The following MICU1 variants were observed in gnomAD, a reference collection of about 807,000 sequenced individuals.
MICU1 encodes the protein calcium uptake protein 1, mitochondrial.
A neutral mutation model predicts 56.8 loss-of-function variants in MICU1; 45 were observed. The observed-to-expected ratio is 0.79, with a 90% confidence interval of 0.62 to 1.02. The LOEUF (loss-of-function observed/expected upper bound fraction) is 1.02, where lower values mean the gene tolerates loss of function less well. Ranked by LOEUF, MICU1 falls within the 50% of genes least tolerant of loss-of-function variation. MICU1 has a pLI of 0.00. For synonymous variants in MICU1, 186 were observed against 195.1 expected (o/e 0.95, Z 0.39); for missense variants, 504 against 587.1 (o/e 0.86, Z 1.46).
intron 10 of MICU1, among the ~76,000 whole-genome samples, chr10:72,404,274 A>AC (rs1863558071): frequency 6.6e-6 from 1 of 152,218 alleles, no homozygotes; most frequent in Admixed American, 6.5e-5. Flanking sequence ...GTGAGCCACC[A>AC]CGCCCAGACT....
chr10:72,396,388 G>A (rs1443156266), intron 10 of MICU1, among the ~76,000 whole-genome samples: 2 of 152,190 alleles, frequency 1.3e-5, no homozygotes, highest in African/African-American at 4.8e-5. Flanking sequence ...TCCTCCAAAG[G>A]ATCGCAGCTC....
chr10:72,487,493 A>T (rs1044208836), intron 6 of MICU1, among the ~76,000 whole-genome samples: 4 of 152,148 alleles, frequency 2.6e-5, no homozygotes, highest in Non-Finnish European at 5.9e-5. Context: ...AGCACAAAGC[A>T]ATGGCTACCA....
chr10:72,570,106 C>A (rs903325629), intron 1 of MICU1, among the ~76,000 whole-genome samples: 7 of 152,202 alleles, frequency 4.6e-5, no homozygotes, highest in African/African-American at 1.7e-4. Flanking sequence ...CTACCATGCC[C>A]AGCTAATTTT....
chr10:72,437,410 A>C (rs1401409191), intron 8 of MICU1, among the ~76,000 whole-genome samples: 11 of 152,230 alleles, frequency 7.2e-5, no homozygotes. Context: ...CAACATAGAA[A>C]GGAACAACCG....
chr10:72,534,957 A>G (rs1478594993), intron 4 of MICU1, among the ~76,000 whole-genome samples: 1 of 142,482 alleles, frequency 7.0e-6, no homozygotes, highest in Non-Finnish European at 1.6e-5. Flanking sequence ...ACAGAGAACA[A>G]GAAAGAGTTC....
intron 5 of MICU1, among the ~76,000 whole-genome samples, chr10:72,521,849 T>C (rs1226509549): frequency 6.8e-6 from 1 of 146,302 alleles, no homozygotes; most frequent in Non-Finnish European, 1.5e-5. Flanking sequence ...AAGAGGAAAG[T>C]CCAAGCCAAT....
chr10:72,402,200 C>T (rs543398568), intron 10 of MICU1, among the ~76,000 whole-genome samples: 5 of 151,840 alleles, frequency 3.3e-5, no homozygotes, highest in Admixed American at 2.6e-4. Flanking sequence ...TCAGAACAGC[C>T]TGAGGTATGT....
At chr10:72,371,774 G>A (rs1322476065) in intron 11 of MICU1, among the ~76,000 whole-genome samples, 1 of 151,846 alleles carries the variant, frequency 6.6e-6, no homozygotes, top group Admixed American at 6.6e-5. Flanking sequence ...TATAGGCCAA[G>A]GTGGGGCATA....
chr10:72,489,667 C>T (rs1866590922), intron 6 of MICU1, among the ~76,000 whole-genome samples: 1 of 152,194 alleles, frequency 6.6e-6, no homozygotes, highest in South Asian at 2.1e-4. Flanking sequence ...CAGTCCACCC[C>T]TCATTTCTAG....
At chr10:72,458,629 T>C (rs1325648099) in intron 8 of MICU1, among the ~76,000 whole-genome samples, 3 of 151,790 alleles carry the variant, frequency 2.0e-5, no homozygotes, top group African/African-American at 7.3e-5. Context: ...CCAGGAAGTA[T>C]AGGTCAATGA....
At chr10:72,376,470 CCT>C (rs1564834934) in intron 10 of MICU1, among the ~76,000 whole-genome samples, 1 of 151,744 alleles carries the variant, frequency 6.6e-6, no homozygotes, top group Non-Finnish European at 1.5e-5. Flanking sequence ...ATGGCGAAAC[CCT>C]GTCTCTACAA....
At chr10:72,477,389 T>A in intron 6 of MICU1, 133 bp from the exon 7 acceptor site, 1 of 1,194,722 alleles carries the variant, frequency 8.4e-7, no homozygotes, top group South Asian at 1.4e-5. Context: ...AAAGTCTCAA[T>A]AAATGGAAAA....
At chr10:72,573,328 A>AAC (rs1554891586) in intron 1 of MICU1, among the ~76,000 whole-genome samples, 17 of 114,294 alleles carry the variant, frequency 1.5e-4, no homozygotes, top group Admixed American at 2.0e-4. Flanking sequence ...AAAAAAAAAA[A>AAC]AAAAAAACTA....
chr10:72,500,310 T>A (rs1293049915), intron 6 of MICU1, among the ~76,000 whole-genome samples: 97 of 14,490 alleles, frequency 6.7e-3, no homozygotes, highest in African/African-American at 0.015. Context: ...ATATTTTTTT[T>A]TTTTTTTTTT....
At chr10:72,599,147 G>A (rs1351757048) in intron 1 of MICU1, among the ~76,000 whole-genome samples, 4 of 152,184 alleles carry the variant, frequency 2.6e-5, no homozygotes, top group Non-Finnish European at 5.9e-5. Context: ...TAAATGCCTC[G>A]GTTCATCTTT....
At chr10:72,423,424 G>C (rs374205663) in intron 8 of MICU1, 53 bp from the exon 9 acceptor site, 17 of 1,579,840 alleles carry the variant, frequency 1.1e-5, no homozygotes, top group Non-Finnish European at 4.3e-6. Context: ...GTATTTTGAC[G>C]TGGAACACGG....
chr10:72,516,018 T>C (rs1726226523), intron 5 of MICU1, among the ~76,000 whole-genome samples: 1 of 152,242 alleles, frequency 6.6e-6, no homozygotes, highest in South Asian at 2.1e-4. Context: ...TGCTTAGTAG[T>C]ATTTTATTCT....
chr10:72,418,524 A>G (rs1864057956), intron 9 of MICU1, among the ~76,000 whole-genome samples: 1 of 152,224 alleles, frequency 6.6e-6, no homozygotes, highest in Non-Finnish European at 1.5e-5. Flanking sequence ...TTCTGTCTCT[A>G]TATTCTCAAA....
At chr10:72,596,367 G>A (rs1194854785) in intron 1 of MICU1, among the ~76,000 whole-genome samples, 1 of 151,540 alleles carries the variant, frequency 6.6e-6, no homozygotes, top group Non-Finnish European at 1.5e-5. Flanking sequence ...GAGCCCGGGA[G>A]GTCAAGGCTA....
Sources: gnomAD v4.1 joint callset for allele counts (sites outside exome capture counted in the v4.1 genomes callset) on GRCh38, gnomAD v4.1.1 for gene constraint, MANE v1.5 for transcripts, NCBI Gene and HGNC (gene_info 2026-07-23, HGNC 2026-07-21) for gene names.